Variants in SEC63 observed in about 807,000 individuals in gnomAD.
SEC63 encodes the protein translocation protein SEC63 homolog.
In SEC63, 56 loss-of-function variants were observed where a neutral mutation model predicts 116.2. The observed-to-expected ratio is 0.48, with a 90% CI of 0.39 to 0.60. The LOEUF (loss-of-function observed/expected upper bound fraction) is 0.60, where lower values mean the gene tolerates loss of function less well. Ranked by LOEUF, SEC63 falls within the 20% of genes least tolerant of loss-of-function variation. The probability of loss-of-function intolerance (pLI) is 0.00; values close to 1 mark genes in which losing one functional copy is unlikely to be tolerated. For missense variants in SEC63, 668 were observed against 900.0 expected, an observed-to-expected ratio of 0.74 and a Z score of 3.30; for synonymous variants, 273 against 294.6, an observed-to-expected ratio of 0.93 and a Z score of 0.75.
chr6:107,919,432 T>C (rs1787494960), intron 4 of SEC63, among the ~76,000 whole-genome samples: 3 of 152,254 alleles, frequency 2.0e-5, no homozygotes, highest in Admixed American at 1.3e-4. Flanking sequence ...ATGAAGATGC[T>C]GTGAACATTG....
At chr6:107,930,826 C>T (rs1787789907) in intron 1 of SEC63, among the ~76,000 whole-genome samples, 1 of 151,040 alleles carries the variant, frequency 6.6e-6, no homozygotes, top group Admixed American at 6.6e-5. Context: ...AAAACCCCAT[C>T]TCTACTAAAA....
intron 1 of SEC63, among the ~76,000 whole-genome samples, chr6:107,952,296 C>T (rs1046835774): frequency 6.6e-6 from 1 of 152,076 alleles, no homozygotes; most frequent in Non-Finnish European, 1.5e-5. Flanking sequence ...GAACTATTTC[C>T]ATTTTTCAAA....
At chr6:107,871,948 G>A in intron 20 of SEC63, 101 bp from the exon 21 acceptor site, 1 of 1,169,656 alleles carries the variant, frequency 8.5e-7, no homozygotes, top group Non-Finnish European at 1.2e-6. Flanking sequence ...CAATTACAAA[G>A]AAATAGTTTT....
At chr6:107,904,380 A>G (rs1769846757) in intron 11 of SEC63, among the ~76,000 whole-genome samples, 1 of 151,776 alleles carries the variant, frequency 6.6e-6, no homozygotes, top group South Asian at 2.1e-4. Flanking sequence ...ACTGCACTCC[A>G]GCCTGGGCGA....
At chr6:107,933,867 C>T (rs866916473) in intron 1 of SEC63, among the ~76,000 whole-genome samples, 13 of 152,182 alleles carry the variant, frequency 8.5e-5, no homozygotes, top group Non-Finnish European at 1.3e-4. Flanking sequence ...ATTGCAGGCG[C>T]GCGCCGCCAC....
chr6:107,953,523 G>A (rs1453538913), intron 1 of SEC63, among the ~76,000 whole-genome samples: 1 of 141,582 alleles, frequency 7.1e-6, no homozygotes, highest in African/African-American at 2.7e-5. Context: ...GAGGGAGGTG[G>A]GGGGTCAGCC....
At chr6:107,941,884 C>T (rs916222785) in intron 1 of SEC63, among the ~76,000 whole-genome samples, 3 of 152,180 alleles carry the variant, frequency 2.0e-5, no homozygotes, top group African/African-American at 4.8e-5. Context: ...AAACGGGACA[C>T]ATAAAAGCCC....
In SEC63 at chr6:107,881,240, T is replaced by G. The variant is rs749930698; in HGVS notation, c.1844A>C (p.Glu615Ala). The change falls in exon 18 of 21, where the codon GAA becomes GCA. Residue 615 changes from glutamate to alanine, a missense_variant. Glu to Ala is a moderately radical substitution (Grantham distance 107, BLOSUM62 -1). Coordinates refer to ENST00000369002, the MANE Select transcript of SEC63 (RefSeq NM_007214.5). ...TTTTCGCTGTATGCTTTGTTGTAAT[T>G]CTTGCCACTCCTAGTAAACAAAAAA... ...QNKDDEAEWQELQQSIQRKER... is the reference protein window; with the variant it reads ...QNKDDEAEWQALQQSIQRKER... 1 of 1,610,378 alleles carries G rather than the reference T, an allele frequency of 6.2e-7. No individual in the cohort carries two copies. Among genetic ancestry groups the G allele is most frequent in the Admixed American group, 1.7e-5 (1 of 59,988 alleles).
chr6:107,955,882 CTAAATAAATAAATAAATAAA>C (rs150788370), intron 1 of SEC63: 1 of 213,976 alleles, frequency 4.7e-6, no homozygotes, highest in East Asian at 1.6e-4. Context: ...GACTCTGTCT[CTAAATAAATAAATAAATAAA>C]TAAATAAATA....
At chr6:107,899,192 C>T (rs149291669) in intron 13 of SEC63, among the ~76,000 whole-genome samples, 544 of 152,276 alleles carry the variant, frequency 3.6e-3, no homozygotes, top group African/African-American at 0.013. Context: ...CCATCTCCAG[C>T]ATTATTATCA....
chr6:107,918,128 A>T (rs913010046), intron 4 of SEC63, among the ~76,000 whole-genome samples: 6 of 152,176 alleles, frequency 3.9e-5, no homozygotes, highest in Non-Finnish European at 7.3e-5. Flanking sequence ...AGAGCTCTTA[A>T]GATCTATGCT....
intron 4 of SEC63, among the ~76,000 whole-genome samples, chr6:107,920,699 T>G (rs1258700751): frequency 6.6e-6 from 1 of 152,190 alleles, no homozygotes; most frequent in South Asian, 2.1e-4. Flanking sequence ...TTTCATTCAA[T>G]GTAAGAGCTA....
chr6:107,921,000 G>C (rs1787543467), intron 4 of SEC63, among the ~76,000 whole-genome samples: 1 of 152,140 alleles, frequency 6.6e-6, no homozygotes, highest in African/African-American at 2.4e-5. Context: ...TTTCTGAGCA[G>C]TGAAAAAGGA....
At chr6:107,897,531 G>T (rs1786885594) in intron 14 of SEC63, 118 bp downstream of exon 14, 4 of 763,614 alleles carry the variant, frequency 5.2e-6, no homozygotes, top group Non-Finnish European at 9.2e-6. Context: ...AGAGTTAACA[G>T]AATTTGCAAA....
At chr6:107,921,996 C>T (rs1583758467) in intron 3 of SEC63, 87 bp from the exon 4 acceptor site, 2 of 773,402 alleles carry the variant, frequency 2.6e-6, no homozygotes, top group Middle Eastern at 2.3e-4. Flanking sequence ...CTATTTTGAA[C>T]TTAAAATATG....
intron 1 of SEC63, among the ~76,000 whole-genome samples, chr6:107,954,248 T>C (rs1020781870): frequency 4.0e-5 from 6 of 151,822 alleles, no homozygotes; most frequent in African/African-American, 1.2e-4. Context: ...TGTGCTTTGT[T>C]AAACAGATGC....
At chr6:107,943,285 T>C (rs1199831308) in intron 1 of SEC63, among the ~76,000 whole-genome samples, 1 of 152,258 alleles carries the variant, frequency 6.6e-6, no homozygotes, top group Non-Finnish European at 1.5e-5. Context: ...TGGCTCCATG[T>C]CCTGTCTATA....
At chr6:107,884,228 G>GT (rs1267652134) in intron 16 of SEC63, among the ~76,000 whole-genome samples, 3 of 147,238 alleles carry the variant, frequency 2.0e-5, no homozygotes, top group Admixed American at 1.4e-4. Flanking sequence ...CACTGCCTGG[G>GT]TAACAGAGCA....
intron 16 of SEC63, 146 bp from the exon 17 acceptor site, chr6:107,883,292 A>C: frequency 1.1e-6 from 1 of 913,692 alleles, no homozygotes; most frequent in Non-Finnish European, 1.6e-6. Context: ...AAAATTATAA[A>C]CATTCCTACT....
Sources: allele counts gnomAD v4.1 joint callset (sites outside exome capture counted in the v4.1 genomes callset), GRCh38; gene constraint gnomAD v4.1.1; transcripts MANE v1.5; gene names NCBI Gene and HGNC (gene_info 2026-07-23, HGNC 2026-07-21).